Variants in CSMD1 observed in about 807,000 individuals in gnomAD.
CSMD1 encodes the protein CUB and Sushi multiple domains 1.
CSMD1 carries 213 observed loss-of-function variants against 417.5 expected under a neutral mutation model. The observed-to-expected ratio is 0.51, with a 90% CI of 0.46 to 0.57. CSMD1 has a LOEUF of 0.57. Ranked by LOEUF, CSMD1 falls within the 20% of genes least tolerant of loss-of-function variation. The pLI is 0.00. For synonymous variants in CSMD1, 2,862 were observed against 1,736.8 expected (o/e 1.65, Z -16.11); for missense variants, 6,923 against 4,529.7 (o/e 1.53, Z -15.17).
At chr8:4,265,339 G>A (rs920060511) in intron 3 of CSMD1, among the ~76,000 whole-genome samples, 1 of 151,654 alleles carries the variant, frequency 6.6e-6, no homozygotes, top group African/African-American at 2.4e-5. Flanking sequence ...CAGCATTTTG[G>A]TGAATGATCT....
chr8:4,709,801 G>T (rs1469178013), intron 1 of CSMD1, among the ~76,000 whole-genome samples: 1 of 152,124 alleles, frequency 6.6e-6, no homozygotes, highest in Admixed American at 6.5e-5. Context: ...AAAGAGGCAG[G>T]AGAGGAAAAG....
At chr8:3,459,513 C>A (rs6558777) in intron 12 of CSMD1, among the ~76,000 whole-genome samples, 112,221 of 152,016 alleles carry the variant, frequency 0.74, 41,623 homozygotes, top group African/African-American at 0.83. Flanking sequence ...GTCGGAGACA[C>A]GGATGAGAGC....
chr8:4,422,456 A>G (rs951069694), intron 2 of CSMD1, among the ~76,000 whole-genome samples: 3 of 152,114 alleles, frequency 2.0e-5, no homozygotes, highest in Non-Finnish European at 2.9e-5. Context: ...TAGGGTAAGC[A>G]TACGGTAAAA....
At position 4,410,530 on chromosome 8, in the gene CSMD1, T is replaced by G. The variant is rs901459004; in HGVS notation, c.415+9423A>C. 3.3e-5 allele frequency among the ~76,000 whole-genome samples: 5 copies of G among 152,238 alleles called. No homozygotes were observed. The East Asian group carries it at 9.6e-4, about 29-fold the overall frequency. The stretch of plus-strand genomic sequence containing the variant: ...TATAAGAGAGACAGAAAGAGACTAT[T>G]AGACATCATCCACTCTCATTTTTGC... On this transcript the variant is annotated intron_variant, in intron 3 of 69. Coordinates refer to ENST00000635120, the MANE Select transcript of CSMD1 (RefSeq NM_033225.6).
rs978647176 is a variant in CSMD1, at chr8:2,965,648, G to T, written c.9280+127C>A. 4.6e-5 allele frequency: 32 copies of T among 701,148 alleles called. No individual in the cohort carries two copies. The African/African-American group carries it at 5.7e-4, about 13-fold the overall frequency. 43.4% of individuals were successfully genotyped at this position (701,148 alleles called of 1,614,324 possible). A position where few individuals can be genotyped will look rare whatever the true frequency, so the allele number is the denominator to read the frequency against. The stretch of plus-strand genomic sequence containing the variant: ...ATAAAAATAAAGTGACTTAATAGTT[G>T]CAAATTGCTGTTCAAGAATTCCTAG... On this transcript the variant is annotated intron_variant, in intron 59 of 69. Coordinates refer to ENST00000635120, the MANE Select transcript of CSMD1 (RefSeq NM_033225.6).
At chr8:3,730,586 G>A (rs1197811801) in intron 6 of CSMD1, among the ~76,000 whole-genome samples, 2 of 152,008 alleles carry the variant, frequency 1.3e-5, no homozygotes, top group Non-Finnish European at 2.9e-5. Flanking sequence ...CACACTATAT[G>A]GTTTCAGTGC....
chr8:3,610,658 C>G (rs2469329), intron 8 of CSMD1, among the ~76,000 whole-genome samples: 121,604 of 152,024 alleles, frequency 0.8, 48,944 homozygotes, highest in Middle Eastern at 0.89. Flanking sequence ...CTCAATTTTT[C>G]TTGTAACATA....
chr8:4,041,238 C>T (rs1411691704), intron 3 of CSMD1, among the ~76,000 whole-genome samples: 6 of 152,052 alleles, frequency 3.9e-5, no homozygotes, highest in South Asian at 2.1e-4. Flanking sequence ...AGGATGGTCA[C>T]GATCTCCTGA....
intron 10 of CSMD1, among the ~76,000 whole-genome samples, chr8:3,510,064 A>G (rs1207819846): frequency 1.3e-5 from 2 of 152,222 alleles, no homozygotes; most frequent in Non-Finnish European, 2.9e-5. Context: ...ACCGGTAAGG[A>G]TAAAGAAAAT....
chr8:3,337,646 A>G (rs1219521552), intron 23 of CSMD1, among the ~76,000 whole-genome samples: 1 of 152,178 alleles, frequency 6.6e-6, no homozygotes, highest in Non-Finnish European at 1.5e-5. Context: ...CATGGCCTTA[A>G]GCTCAACCAT....
At chr8:3,301,637 G>C (rs532513578) in intron 25 of CSMD1, among the ~76,000 whole-genome samples, 1 of 152,316 alleles carries the variant, frequency 6.6e-6, no homozygotes, top group East Asian at 1.9e-4. Context: ...TATGATCAGA[G>C]ATCAGTCAAG....
At chr8:4,346,777 C>A (rs1355038315) in intron 3 of CSMD1, among the ~76,000 whole-genome samples, 1 of 152,040 alleles carries the variant, frequency 6.6e-6, no homozygotes, top group African/African-American at 2.4e-5. Context: ...TCAAAGGAGA[C>A]AAGTCAGTGG....
intron 1 of CSMD1, among the ~76,000 whole-genome samples, chr8:4,710,407 A>C (rs1009284562): frequency 1.4e-5 from 2 of 147,958 alleles, no homozygotes; most frequent in African/African-American, 4.9e-5. Context: ...TAAATATATA[A>C]ATTTATAAAT....
intron 4 of CSMD1, among the ~76,000 whole-genome samples, chr8:4,023,755 T>C (rs1173461253): frequency 8.6e-5 from 1 of 11,574 alleles, no homozygotes; most frequent in Non-Finnish European, 1.3e-4. Context: ...CTCGGCTAAT[T>C]TTTTTTTTTT....
At chr8:3,325,969 G>T (rs1228286407) in intron 23 of CSMD1, among the ~76,000 whole-genome samples, 3 of 152,148 alleles carry the variant, frequency 2.0e-5, no homozygotes, top group Non-Finnish European at 4.4e-5. Flanking sequence ...AACCTTGCAG[G>T]AAATTATTCA....
At position 3,997,911 on chromosome 8, in the gene CSMD1, T is replaced by C. The variant is rs765485020; in HGVS notation, c.810A>G (p.Pro270=). 22 of 1,611,892 alleles carry C rather than the reference T, an allele frequency of 1.4e-5. No individual in the cohort carries two copies. Among genetic ancestry groups the C allele is most frequent in the Non-Finnish European group, 1.9e-5 (22 of 1,178,942 alleles). The change falls in exon 5 of 70, where the codon CCA becomes CCG. Residue 270 remains proline (P), a synonymous_variant. Coordinates refer to ENST00000635120, the MANE Select transcript of CSMD1 (RefSeq NM_033225.6). ...CTCTTCCCGGGACTTACCATATGGA[T>C]GGAGCTTCCGTGCCACTGATCTCTA... ...DFLEISGTEA[P]SIWLTGMNLP...
chr8:3,276,654 C>G (rs899931362), intron 26 of CSMD1, among the ~76,000 whole-genome samples: 1 of 152,132 alleles, frequency 6.6e-6, no homozygotes. Context: ...CAAACCGTAT[C>G]ATTATTAAAA....
chr8:4,382,284 G>C (rs970885362), intron 3 of CSMD1, among the ~76,000 whole-genome samples: 2 of 152,148 alleles, frequency 1.3e-5, no homozygotes, highest in East Asian at 1.9e-4. Context: ...GGGGCTTATT[G>C]AGTTCTTTAT....
chr8:4,311,912 C>A (rs1468621520), intron 3 of CSMD1, among the ~76,000 whole-genome samples: 1 of 151,952 alleles, frequency 6.6e-6, no homozygotes, highest in Non-Finnish European at 1.5e-5. Context: ...ACCCCCATGA[C>A]ACTTATTTAC....
Sources: allele counts gnomAD v4.1 joint callset (sites outside exome capture counted in the v4.1 genomes callset), GRCh38; gene constraint gnomAD v4.1.1; transcripts MANE v1.5; gene names NCBI Gene and HGNC (gene_info 2026-07-23, HGNC 2026-07-21).